The following L3MBTL3 variants were observed in gnomAD, a reference collection of about 807,000 sequenced individuals.
L3MBTL3 encodes the protein L3MBTL histone methyl-lysine binding protein 3.
A neutral mutation model predicts 102.3 loss-of-function variants in L3MBTL3; 27 were observed. That is an observed-to-expected ratio of 0.26 (90% CI 0.19 to 0.36). The LOEUF (loss-of-function observed/expected upper bound fraction) is 0.36. Among genes scored for constraint, L3MBTL3 ranks in the 10% least tolerant of loss-of-function variants. The pLI, the probability that L3MBTL3 is intolerant of heterozygous loss-of-function variation, is 1.00. For missense variants in L3MBTL3, 798 were observed against 955.3 expected, an observed-to-expected ratio of 0.84 and a Z score of 2.17; for synonymous variants, 340 against 320.9, an observed-to-expected ratio of 1.06 and a Z score of -0.64.
chr6:130,119,506 G>A (rs1334311739), intron 19 of L3MBTL3, among the ~76,000 whole-genome samples: 2 of 152,038 alleles, frequency 1.3e-5, no homozygotes, highest in Non-Finnish European at 2.9e-5. Flanking sequence ...TTCAACTAAT[G>A]TTCTTTCTCC....
intron 19 of L3MBTL3, among the ~76,000 whole-genome samples, chr6:130,116,921 ATTTTT>A (rs1301094246): frequency 5.9e-5 from 3 of 50,736 alleles, no homozygotes; most frequent in Non-Finnish European, 1.9e-4. Flanking sequence ...TGTCATTTTT[ATTTTT>A]TTTATTTTTT....
intron 22 of L3MBTL3, among the ~76,000 whole-genome samples, chr6:130,135,921 C>T (rs1242638462): frequency 6.6e-6 from 1 of 152,168 alleles, no homozygotes; most frequent in African/African-American, 2.4e-5. Flanking sequence ...AACCATAGTA[C>T]AAATCTAACC....
At chr6:130,047,140 CTA>C (rs1780775445) in intron 3 of L3MBTL3, among the ~76,000 whole-genome samples, 1 of 151,992 alleles carries the variant, frequency 6.6e-6, no homozygotes, top group South Asian at 2.1e-4. Flanking sequence ...GCCTTGAAAA[CTA>C]TGAATCTTGT....
rs1484261077 is a variant in L3MBTL3 at position 130,133,916 on chromosome 6, C to T, written c.2199+11C>T. 2 of 1,592,180 alleles carry T rather than the reference C, an allele frequency of 1.3e-6. No homozygotes were observed. Among genetic ancestry groups the T allele is most frequent in the Admixed American group, 3.3e-5 (2 of 59,972 alleles). ...GTATTTAAAGATGAAGTAAGTATTC[C>T]ACTAAATTGCAATATGTTACTTAAT... On this transcript the variant is annotated intron_variant, in intron 22 of 22. Coordinates refer to ENST00000361794, the MANE Select transcript of L3MBTL3 (RefSeq NM_032438.4). This position sits in a 1 kb window ranked among gnomAD's most constrained non-coding sequence, Gnocchi z 4.9.
At chr6:130,102,179 C>T (rs1784735196) in intron 18 of L3MBTL3, among the ~76,000 whole-genome samples, 1 of 152,116 alleles carries the variant, frequency 6.6e-6, no homozygotes, top group Non-Finnish European at 1.5e-5. Flanking sequence ...TCTTCCTTTC[C>T]ATTGCTTCCC....
intron 19 of L3MBTL3, among the ~76,000 whole-genome samples, chr6:130,114,286 T>C (rs562592844): frequency 1.3e-5 from 2 of 152,328 alleles, no homozygotes; most frequent in Non-Finnish European, 2.9e-5. Context: ...GTGTTATTGC[T>C]ATATGCCTGT....
chr6:130,070,808 T>G, intron 12 of L3MBTL3, 168 bp from the exon 13 acceptor site: 2 of 265,076 alleles, frequency 7.5e-6, no homozygotes, highest in Non-Finnish European at 1.4e-5. Context: ...TTTTTTTTTT[T>G]TGCGGCTTGT....
At chr6:130,095,754 G>A (rs1236795972) in intron 18 of L3MBTL3, among the ~76,000 whole-genome samples, 1 of 152,134 alleles carries the variant, frequency 6.6e-6, no homozygotes, top group Non-Finnish European at 1.5e-5. Flanking sequence ...TTCTTGCTGC[G>A]GAAGGTAGAG....
chr6:130,067,886 G>A (rs1000866124), intron 11 of L3MBTL3, among the ~76,000 whole-genome samples: 16 of 152,060 alleles, frequency 1.1e-4, no homozygotes, highest in Non-Finnish European at 1.9e-4. Flanking sequence ...TGAAGTGATA[G>A]GCCAAAAAGA....
At chr6:130,024,981 T>G (rs910145581) in intron 2 of L3MBTL3, among the ~76,000 whole-genome samples, 5 of 152,182 alleles carry the variant, frequency 3.3e-5, no homozygotes, top group Non-Finnish European at 5.9e-5. Context: ...ATGCATTCCT[T>G]TTTTAGTGCT....
chr6:130,097,829 A>C (rs1784448886), intron 18 of L3MBTL3, among the ~76,000 whole-genome samples: 2 of 152,166 alleles, frequency 1.3e-5, no homozygotes, highest in Admixed American at 1.3e-4. Context: ...GCACTTTGGG[A>C]GGCCAAGGCA....
intron 2 of L3MBTL3, among the ~76,000 whole-genome samples, chr6:130,029,530 T>G (rs1397397825): frequency 6.6e-6 from 1 of 152,158 alleles, no homozygotes; most frequent in African/African-American, 2.4e-5. Flanking sequence ...TTTTTTTTCT[T>G]TATAAGAACT....
At chr6:130,042,913 A>T in intron 3 of L3MBTL3, 112 bp downstream of exon 3, 2 of 697,648 alleles carry the variant, frequency 2.9e-6, no homozygotes, top group Admixed American at 4.7e-5. Flanking sequence ...ATAGTGGTGT[A>T]GGTTTTAGAT....
chr6:130,033,213 T>C (rs1237165450), intron 2 of L3MBTL3, among the ~76,000 whole-genome samples: 2 of 151,930 alleles, frequency 1.3e-5, no homozygotes, highest in African/African-American at 4.8e-5. Flanking sequence ...GTGAGTCGGG[T>C]GGGGAGGCTC....
chr6:130,078,723 T>C lies in L3MBTL3; in HGVS notation c.1321+89T>C, dbSNP rs576070319. 1.1e-5 allele frequency: 10 copies of C among 895,608 alleles called. No homozygotes were observed. The Middle Eastern group carries it at 9.6e-4, about 86-fold the overall frequency. 55.5% of individuals were successfully genotyped at this position (895,608 alleles called of 1,614,324 possible). A position where few individuals can be genotyped will look rare whatever the true frequency, so the allele number is the denominator to read the frequency against. On this transcript the variant is annotated intron_variant, in intron 14 of 22. Coordinates refer to ENST00000361794, the MANE Select transcript of L3MBTL3 (RefSeq NM_032438.4). ...GTAAAGGGCCAGATAGTAAATATTT[T>C]GGCTTTGCAGACCATGCAGTTTTCT...
chr6:130,021,036 C>G (rs879443376), intron 1 of L3MBTL3, among the ~76,000 whole-genome samples: 21 of 151,906 alleles, frequency 1.4e-4, no homozygotes, highest in African/African-American at 4.6e-4. Context: ...TTTGGTTTTC[C>G]TAGAGCGTTG....
chr6:130,100,068 C>T (rs1002778891), intron 18 of L3MBTL3, among the ~76,000 whole-genome samples: 8 of 152,186 alleles, frequency 5.3e-5, no homozygotes, highest in Admixed American at 2.0e-4. Flanking sequence ...GAGATAGCCA[C>T]AGTTCCTAAT....
intron 2 of L3MBTL3, among the ~76,000 whole-genome samples, chr6:130,041,108 C>A (rs1470707436): frequency 1.3e-5 from 2 of 152,044 alleles, no homozygotes; most frequent in Non-Finnish European, 2.9e-5. Flanking sequence ...GCTCAGAGAC[C>A]CTTGAGGAAT....
intron 3 of L3MBTL3, among the ~76,000 whole-genome samples, chr6:130,044,768 C>T (rs1196428523): frequency 6.6e-6 from 1 of 152,158 alleles, no homozygotes; most frequent in South Asian, 2.1e-4. Flanking sequence ...GATTATATCA[C>T]TGAAGATTTC....
Sources: gnomAD v4.1 joint callset for allele counts (sites outside exome capture counted in the v4.1 genomes callset) on GRCh38, gnomAD v4.1.1 for gene constraint, Gnocchi (gnomAD v3.1) non-coding constraint, MANE v1.5 for transcripts, NCBI Gene and HGNC (gene_info 2026-07-23, HGNC 2026-07-21) for gene names.